The following SNX9 variants were observed in gnomAD, a reference collection of about 807,000 sequenced individuals.
SNX9 encodes the protein sorting nexin 9, also known as sorting nexin-9.
SNX9 carries 44 observed loss-of-function variants against 89.4 expected under a neutral mutation model. The ratio of observed to expected loss-of-function variants is 0.49; its 90% CI spans 0.39 to 0.63. The LOEUF is 0.63. Among genes scored for constraint, SNX9 ranks in the 30% least tolerant of loss-of-function variants. The pLI is 0.00. For missense variants in SNX9, 578 were observed against 736.1 expected (o/e 0.79, Z 2.49); for synonymous variants, 236 against 247.8 (o/e 0.95, Z 0.45).
chr6:157,871,506 C>T (rs1410897957), intron 2 of SNX9, among the ~76,000 whole-genome samples: 3 of 151,844 alleles, frequency 2.0e-5, no homozygotes, highest in South Asian at 2.1e-4. Flanking sequence ...GGGCGGGGAA[C>T]GTCGCACACC....
intron 6 of SNX9, among the ~76,000 whole-genome samples, chr6:157,902,661 T>C (rs1783130125): frequency 6.6e-6 from 1 of 151,334 alleles, no homozygotes; most frequent in South Asian, 2.1e-4. Context: ...AAAAAAAAAG[T>C]GTTGTGTTTT....
chr6:157,831,833 C>G (rs949290357), intron 1 of SNX9, among the ~76,000 whole-genome samples: 5 of 152,306 alleles, frequency 3.3e-5, no homozygotes, highest in South Asian at 4.2e-4. Flanking sequence ...TTAGCTTGCT[C>G]TAGTTGCTGG....
intron 10 of SNX9, among the ~76,000 whole-genome samples, chr6:157,926,191 A>G (rs1253068203): frequency 6.6e-6 from 1 of 152,156 alleles, no homozygotes; most frequent in Non-Finnish European, 1.5e-5. Flanking sequence ...CATAAGAGAG[A>G]GATTACCGGT....
At chr6:157,837,895 G>A (rs533742277) in intron 1 of SNX9, among the ~76,000 whole-genome samples, 46 of 152,206 alleles carry the variant, frequency 3.0e-4, no homozygotes, top group Non-Finnish European at 5.7e-4. Context: ...AGCATATGCT[G>A]TACCATTAAT....
Position 157,909,967 on chromosome 6 carries a change from C to T in SNX9, c.891C>T (p.Leu297=), listed in dbSNP as rs1004186841. The part of the protein sequence containing the change: ...YKHFDWLYER[L]LVKFGSAIPI... ...ACTTTGACTGGTTATATGAGCGTCTCCTGGTTAAGTTTGGGTCAGCCATTC... is the reference window on the plus strand; with the variant it reads ...ACTTTGACTGGTTATATGAGCGTCTTCTGGTTAAGTTTGGGTCAGCCATTC... Residue 297 remains leucine (L), a synonymous_variant, in exon 9 of 18, where the codon CTC becomes CTT. Transcript: ENST00000392185. 3 of 1,614,034 alleles carry T rather than the reference C, an allele frequency of 1.9e-6. No homozygotes were observed. In the African/African-American group the frequency reaches 4.0e-5, roughly 22 times the overall value.
At chr6:157,849,393 T>C (rs1473938862) in intron 1 of SNX9, among the ~76,000 whole-genome samples, 1 of 152,220 alleles carries the variant, frequency 6.6e-6, no homozygotes, top group African/African-American at 2.4e-5. Context: ...GAGCACCTAC[T>C]GTGTTCCAGG....
intron 9 of SNX9, among the ~76,000 whole-genome samples, chr6:157,920,325 G>A (rs1313412677): frequency 6.6e-6 from 1 of 152,166 alleles, no homozygotes; most frequent in East Asian, 1.9e-4. Context: ...TATCAGGGCT[G>A]TTGTCCCTTC....
At chr6:157,842,470 A>G (rs568943094) in intron 1 of SNX9, among the ~76,000 whole-genome samples, 13 of 152,326 alleles carry the variant, frequency 8.5e-5, no homozygotes, top group East Asian at 3.9e-4. Flanking sequence ...GGGGATTGCA[A>G]TGGAGTAAGA....
At chr6:157,864,324 T>C (rs534061011) in intron 1 of SNX9, among the ~76,000 whole-genome samples, 22 of 152,216 alleles carry the variant, frequency 1.4e-4, no homozygotes, top group African/African-American at 4.6e-4. Flanking sequence ...TTGCCGCACC[T>C]CCCAATACCA....
rs539409808 is a variant in SNX9 at position 157,827,583 on chromosome 6, T to G, written c.12+4137T>G. On this transcript the variant is annotated intron_variant, in intron 1 of 17. Coordinates refer to ENST00000392185, the MANE Select transcript of SNX9 (RefSeq NM_016224.5). ...ATATAATATATAAATATATATTATA[T>G]TATAGTTTATATATATATGAGATAT... 1.6e-3 allele frequency among the ~76,000 whole-genome samples: 211 copies of G among 134,730 alleles called. 5 individuals are homozygous for G. The highest frequency in any genetic ancestry group is 5.8e-3 in the African/African-American group (196 of 33,830). 88.4% of individuals were successfully genotyped at this position (134,730 alleles called of 152,430 possible).
chr6:157,868,943 T>C (rs1438438840), intron 2 of SNX9, among the ~76,000 whole-genome samples: 1 of 152,226 alleles, frequency 6.6e-6, no homozygotes, highest in African/African-American at 2.4e-5. Flanking sequence ...AACGTGTCTC[T>C]TCTGTGTCCT....
At chr6:157,906,402 A>G (rs1353130569) in intron 7 of SNX9, among the ~76,000 whole-genome samples, 190 bp downstream of exon 7, 5 of 152,326 alleles carry the variant, frequency 3.3e-5, no homozygotes, top group African/African-American at 9.6e-5. Context: ...GCCTGTCATT[A>G]TATTGTTTAT....
intron 7 of SNX9, among the ~76,000 whole-genome samples, chr6:157,908,832 G>A (rs1169549088): frequency 6.6e-6 from 1 of 152,290 alleles, no homozygotes; most frequent in East Asian, 1.9e-4. Context: ...GTGAGCTAGT[G>A]TAAGCCTCGC....
At chr6:157,880,365 C>T (rs1486913280) in intron 4 of SNX9, among the ~76,000 whole-genome samples, 1 of 152,172 alleles carries the variant, frequency 6.6e-6, no homozygotes, top group Non-Finnish European at 1.5e-5. Context: ...TTTTGTGTTC[C>T]AGCCTCTCTC....
intron 8 of SNX9, 53 bp from the exon 9 acceptor site, chr6:157,909,855 T>C: frequency 1.2e-6 from 2 of 1,611,466 alleles, no homozygotes; most frequent in Non-Finnish European, 1.7e-6. Context: ...TGCTTTTTTC[T>C]TCATTTTCTA....
chr6:157,861,849 C>G (rs1371671809), intron 1 of SNX9, among the ~76,000 whole-genome samples: 1 of 152,166 alleles, frequency 6.6e-6, no homozygotes, highest in African/African-American at 2.4e-5. Flanking sequence ...AGTATGCCAG[C>G]AACACCACTC....
At chr6:157,938,903 G>A (rs1783980530) in intron 16 of SNX9, among the ~76,000 whole-genome samples, 156 bp downstream of exon 16, 1 of 152,160 alleles carries the variant, frequency 6.6e-6, no homozygotes, top group Non-Finnish European at 1.5e-5. Context: ...ATGAAAATCT[G>A]TAATATTTAT....
At chr6:157,869,417 C>G (rs1425192803) in intron 2 of SNX9, among the ~76,000 whole-genome samples, 1 of 152,204 alleles carries the variant, frequency 6.6e-6, no homozygotes, top group Non-Finnish European at 1.5e-5. Flanking sequence ...GCTCATCACC[C>G]ATGTGATGCT....
chr6:157,876,070 G>A (rs976178851), intron 4 of SNX9, among the ~76,000 whole-genome samples: 1 of 151,204 alleles, frequency 6.6e-6, no homozygotes, highest in African/African-American at 2.5e-5. Flanking sequence ...GTTATTTCTT[G>A]ATTTTTTTTT....
Sources: gnomAD v4.1 joint callset for allele counts (sites outside exome capture counted in the v4.1 genomes callset) on GRCh38, gnomAD v4.1.1 for gene constraint, MANE v1.5 for transcripts, NCBI Gene and HGNC (gene_info 2026-07-23, HGNC 2026-07-21) for gene names.